Variants in PSPC1 observed in about 807,000 individuals in gnomAD.
PSPC1 encodes paraspeckle component 1, also known as paraspeckle protein 1.
PSPC1 carries 14 observed loss-of-function variants against 51.6 expected under a neutral mutation model. That is an observed-to-expected ratio of 0.27 (90% CI 0.18 to 0.42). PSPC1 has a LOEUF of 0.42. Among genes scored for constraint, PSPC1 ranks in the 10% least tolerant of loss-of-function variants. The pLI is 1.00. For synonymous variants in PSPC1, 193 were observed against 231.9 expected (o/e 0.83, Z 1.53); for missense variants, 406 against 701.1 (o/e 0.58, Z 4.75).
chr13:19,673,235 G>GT, downstream of PSPC1: 2 of 418,980 alleles, frequency 4.8e-6, no homozygotes, highest in Non-Finnish European at 9.3e-6. Context: ...TCCTGCTTCT[G>GT]TATGGCAAGC....
chr13:19,743,680 C>G (rs1038953905), intron 4 of PSPC1, among the ~76,000 whole-genome samples: 2 of 152,158 alleles, frequency 1.3e-5, no homozygotes, highest in Admixed American at 6.6e-5. Flanking sequence ...GTATATGAGA[C>G]AGGGCCCAGG....
At chr13:19,677,378 T>C (rs960743077) in intron 7 of PSPC1, among the ~76,000 whole-genome samples, 2 of 152,086 alleles carry the variant, frequency 1.3e-5, no homozygotes, top group African/African-American at 4.8e-5. Context: ...CTCTATGTCA[T>C]TTCCCCTCTT....
At chr13:19,726,936 T>C (rs1201146398) in intron 6 of PSPC1, among the ~76,000 whole-genome samples, 1 of 152,250 alleles carries the variant, frequency 6.6e-6, no homozygotes, top group Non-Finnish European at 1.5e-5. Flanking sequence ...GAATAAACTG[T>C]GTTGAAACAC....
intron 5 of PSPC1, among the ~76,000 whole-genome samples, chr13:19,738,003 T>C (rs900743225): frequency 2.0e-5 from 3 of 152,014 alleles, no homozygotes; most frequent in Non-Finnish European, 4.4e-5. Context: ...TAAGGCAGGA[T>C]TGTTTGAGCT....
chr13:19,702,130 CACAA>C (rs539749263), downstream of PSPC1, among the ~76,000 whole-genome samples: 265 of 152,240 alleles, frequency 1.7e-3, no homozygotes, highest in African/African-American at 6.1e-3. Flanking sequence ...TCTTGAAAAA[CACAA>C]ACAAACAATT....
At chr13:19,772,171 G>A in intron 2 of PSPC1, 71 bp downstream of exon 2, 1 of 1,495,668 alleles carries the variant, frequency 6.7e-7, no homozygotes, top group Non-Finnish European at 9.0e-7. Context: ...TGCAATGAAA[G>A]ACAGAATTCC....
rs1887417041 is a variant in PSPC1, at chr13:19,759,538, A to T, written c.675-120T>A. ...TTAGAAAATGTCTCACTTGAGAAAA[A>T]TGTCTCAGAAGTATCATTTGTACTC... On this transcript the variant is annotated intron_variant, in intron 2 of 8. Coordinates refer to ENST00000338910, the MANE Select transcript of PSPC1 (RefSeq NM_001354909.2). 6 of 722,318 alleles carry T rather than the reference A, an allele frequency of 8.3e-6. No individual in the cohort carries two copies. In the Admixed American group the frequency reaches 1.4e-4, roughly 17 times the overall value. 44.7% of individuals were successfully genotyped at this position (722,318 alleles called of 1,614,324 possible).
At chr13:19,671,949 T>C, downstream of PSPC1, 1 of 1,456,942 alleles carries the variant, frequency 6.9e-7, no homozygotes, top group Non-Finnish European at 9.6e-7. Flanking sequence ...TTTGGAATTC[T>C]TCTAGCACAT....
intron 5 of PSPC1, among the ~76,000 whole-genome samples, chr13:19,740,781 C>A (rs903826130): frequency 1.3e-5 from 2 of 152,140 alleles, no homozygotes; most frequent in Non-Finnish European, 2.9e-5. Flanking sequence ...CTTACTTAAA[C>A]CTAAAAGATT....
chr13:19,671,495 C>T (rs1876123593), downstream of PSPC1, among the ~76,000 whole-genome samples: 1 of 152,162 alleles, frequency 6.6e-6, no homozygotes, highest in African/African-American at 2.4e-5. Flanking sequence ...TAGGTTGCAG[C>T]TGAGAAAGAT....
intron 6 of PSPC1, among the ~76,000 whole-genome samples, chr13:19,725,857 C>T (rs950154974): frequency 8.5e-5 from 13 of 152,100 alleles, no homozygotes; most frequent in African/African-American, 1.2e-4. Context: ...CTGTTTGAAC[C>T]GTGTTCTAAA....
chr13:19,762,191 A>G lies in PSPC1; in HGVS notation c.675-2773T>C, dbSNP rs545390999. On this transcript the variant is annotated intron_variant, in intron 2 of 8. Transcript: ENST00000338910. ...TTAATCGATACAAACAAGTTTATAA[A>G]GTCTCCCTCTACCACTCTATATATC... 3.5e-4 allele frequency among the ~76,000 whole-genome samples: 53 copies of G among 152,336 alleles called. 1 individual carries two copies. The highest frequency in any genetic ancestry group is 1.1e-3 in the African/African-American group (46 of 41,586).
chr13:19,731,002 GATCT>G (rs1884044134), intron 5 of PSPC1, among the ~76,000 whole-genome samples: 2 of 142,588 alleles, frequency 1.4e-5, no homozygotes, highest in Non-Finnish European at 3.0e-5. Context: ...GAGATCTACT[GATCT>G]ATCACTGGCA....
chr13:19,673,805 C>T (rs2137553349), downstream of PSPC1, among the ~76,000 whole-genome samples: 1 of 152,242 alleles, frequency 6.6e-6, no homozygotes, highest in South Asian at 2.1e-4. Context: ...AGCAATGATC[C>T]CTCTGGAAAA....
chr13:19,766,495 C>G (rs1888080314), intron 2 of PSPC1, among the ~76,000 whole-genome samples: 1 of 152,072 alleles, frequency 6.6e-6, no homozygotes, highest in Admixed American at 6.6e-5. Context: ...GAGTTCAAGG[C>G]CAGCCTGGGC....
At chr13:19,780,108 C>T (rs113331333) in intron 1 of PSPC1, among the ~76,000 whole-genome samples, 3 of 85,372 alleles carry the variant, frequency 3.5e-5, no homozygotes, top group Non-Finnish European at 5.3e-5. Context: ...CCCCTCTGCC[C>T]GGCCAGCCGC....
chr13:19,728,191 T>G (rs4052795), intron 6 of PSPC1, among the ~76,000 whole-genome samples: 2 of 152,146 alleles, frequency 1.3e-5, no homozygotes, highest in Non-Finnish European at 2.9e-5. Context: ...TTACATGAAA[T>G]TATTATTTAA....
chr13:19,687,975 C>T (rs938767539), intron 6 of PSPC1, among the ~76,000 whole-genome samples: 1 of 151,970 alleles, frequency 6.6e-6, no homozygotes, highest in Non-Finnish European at 1.5e-5. Flanking sequence ...TCAGCCTTTG[C>T]TCACGGTGGG....
intron 6 of PSPC1, among the ~76,000 whole-genome samples, 195 bp from the exon 7 acceptor site, chr13:19,709,794 T>A (rs1025644613): frequency 1.3e-5 from 2 of 151,832 alleles, no homozygotes; most frequent in Non-Finnish European, 2.9e-5. Flanking sequence ...CTACAAATGC[T>A]TAATGCATCC....
Sources: allele counts gnomAD v4.1 joint callset (sites outside exome capture counted in the v4.1 genomes callset), GRCh38; gene constraint gnomAD v4.1.1; transcripts MANE v1.5; gene names NCBI Gene and HGNC (gene_info 2026-07-23, HGNC 2026-07-21).